The following TECTA variants were observed in gnomAD, a reference collection of about 807,000 sequenced individuals.
TECTA encodes the protein tectorin alpha.
Under a neutral mutation model 216.8 loss-of-function variants are expected in TECTA, and 128 were observed. The ratio of observed to expected loss-of-function variants is 0.59; its 90% confidence interval spans 0.51 to 0.68. TECTA has a LOEUF of 0.68. Ranked by LOEUF, TECTA falls within the 30% of genes least tolerant of loss-of-function variation. The pLI is 0.00. For missense variants in TECTA, 2,551 were observed against 2,786.2 expected (o/e 0.92, Z 1.90); for synonymous variants, 1,089 against 1,117.1 (o/e 0.97, Z 0.50).
intron 18 of TECTA, among the ~76,000 whole-genome samples, chr11:121,167,790 G>C (rs1947068974): frequency 6.6e-6 from 1 of 152,190 alleles, no homozygotes; most frequent in African/African-American, 2.4e-5. Context: ...AGTGGGGTCT[G>C]GTAGTGGTTA....
chr11:121,149,922 C>T (rs1946873949), intron 12 of TECTA, among the ~76,000 whole-genome samples: 1 of 152,166 alleles, frequency 6.6e-6, no homozygotes, highest in African/African-American at 2.4e-5. Context: ...GTCATGTTCT[C>T]AGCACTGTTT....
chr11:121,118,620 C>T lies in TECTA; in HGVS notation c.1105C>T (p.His369Tyr). ...CTTCAGTGTGGAGGCCAAGAATGAA[C>T]ACCGCAGAGGTTCAGCCGTCTCCTG... ...PFFSVEAKNE[H>Y]RRGSAVSWVK... Residue 369 changes from histidine to tyrosine, a missense_variant, in exon 7 of 24, where the codon CAC (histidine) becomes TAC (tyrosine). By Grantham distance (83) the His-to-Tyr change is moderately conservative. This residue lies in a region of TECTA where 2,375 missense variants were observed against 2,563.9 expected (regional missense o/e 0.93). Transcript: ENST00000392793. 1.2e-6 allele frequency: 2 copies of T among 1,614,140 alleles called. No homozygotes were observed. Among genetic ancestry groups the T allele is most frequent in the Admixed American group, 3.3e-5 (2 of 60,028 alleles).
chr11:121,122,181 T>G (rs1228792940), intron 7 of TECTA, among the ~76,000 whole-genome samples: 1 of 152,206 alleles, frequency 6.6e-6, no homozygotes, highest in African/African-American at 2.4e-5. Flanking sequence ...GTTGAAATTC[T>G]AACTCCTAAG....
intron 13 of TECTA, 69 bp from the exon 14 acceptor site, chr11:121,157,772 G>A (rs1371731361): frequency 2.5e-6 from 4 of 1,608,648 alleles, no homozygotes; most frequent in East Asian, 2.2e-5. Flanking sequence ...AAGACGAGGG[G>A]GACTGGGCTT....
rs776964946 is a variant in TECTA at position 121,145,968 on chromosome 11, C to G, written c.3957C>G (p.Asn1319Lys). The G allele has an allele frequency of 3.1e-5, 50 of 1,614,144 alleles. No individual in the cohort carries two copies. The highest frequency in any genetic ancestry group is 4.2e-5 in the Non-Finnish European group (49 of 1,180,056). The change falls in exon 12 of 24, where the codon AAC becomes AAG. Residue 1319 changes from asparagine to lysine, a missense_variant. Physicochemically the swap from Asn to Lys is moderately conservative, Grantham distance 94 (BLOSUM62 0). Around this residue, in one of 3 missense-constraint regions of TECTA, gnomAD observed 2,375 missense variants for 2,563.9 expected, o/e 0.93. Coordinates refer to ENST00000392793, the MANE Select transcript of TECTA (RefSeq NM_005422.4). The stretch of plus-strand genomic sequence containing the variant: ...TCTCCAAGTGTCACAGCAAAGTTAA[C>G]CCCACCTTCTTCTATAAGAACTGCC... The part of the protein sequence containing the change: ...AAFSKCHSKV[N>K]PTFFYKNCLF...
chr11:121,158,703 C>A (rs1156256684), intron 14 of TECTA, among the ~76,000 whole-genome samples: 1 of 152,090 alleles, frequency 6.6e-6, no homozygotes, highest in Non-Finnish European at 1.5e-5. Context: ...GACTCACACC[C>A]CCATTATCCG....
At position 121,125,544 on chromosome 11, in the gene TECTA, T is replaced by C. The variant is rs1331799197; in HGVS notation, c.1446T>C (p.Ser482=). 2 of 1,614,094 alleles carry C rather than the reference T, an allele frequency of 1.2e-6. No individual in the cohort carries two copies. The highest frequency in any genetic ancestry group is 2.7e-5 in the African/African-American group (2 of 74,950). Residue 482 remains serine, a synonymous_variant, in exon 8 of 24, where the codon TCT becomes TCC. Transcript: ENST00000392793. ...GCCCGGATGGCAGGCCGGCCATGTCTGTCCTGGATCTGGGAGAGAGCTGGC... is the reference window on the plus strand; with the variant it reads ...GCCCGGATGGCAGGCCGGCCATGTCCGTCCTGGATCTGGGAGAGAGCTGGC... The part of the protein sequence containing the change: ...FLRPDGRPAM[S]VLDLGESWRV...
At chr11:121,143,249 A>C (rs1329612418) in intron 11 of TECTA, among the ~76,000 whole-genome samples, 1 of 151,870 alleles carries the variant, frequency 6.6e-6, no homozygotes, top group African/African-American at 2.4e-5. Context: ...GTGCATTTTC[A>C]TCTCCCACCA....
intron 15 of TECTA, 80 bp from the exon 16 acceptor site, chr11:121,161,995 G>T: frequency 2.5e-6 from 4 of 1,590,380 alleles, no homozygotes; most frequent in Admixed American, 1.7e-5. Flanking sequence ...AGCTTCAGGG[G>T]TAGCAAAACA....
intron 6 of TECTA, among the ~76,000 whole-genome samples, chr11:121,116,958 T>C (rs1301417618): frequency 6.6e-6 from 1 of 152,234 alleles, no homozygotes; most frequent in African/African-American, 2.4e-5. Context: ...TTTTCAACCC[T>C]ATTCTCAACA....
intron 7 of TECTA, among the ~76,000 whole-genome samples, chr11:121,124,533 C>A (rs1443257266): frequency 2.6e-5 from 4 of 152,216 alleles, no homozygotes; most frequent in African/African-American, 9.7e-5. Context: ...ATGCTGGATT[C>A]AATGTTCATT....
chr11:121,179,927 GTT>G (rs1365604384), intron 20 of TECTA, among the ~76,000 whole-genome samples: 1 of 147,126 alleles, frequency 6.8e-6, no homozygotes, highest in African/African-American at 2.5e-5. Flanking sequence ...GGTGAAGTGA[GTT>G]TCTTGTAGGC....
chr11:121,168,061 G>A lies in TECTA; in HGVS notation c.5594G>A (p.Gly1865Asp). 5 of 1,614,080 alleles carry A rather than the reference G, an allele frequency of 3.1e-6. No individual in the cohort carries two copies. Among genetic ancestry groups the A allele is most frequent in the Non-Finnish European group, 4.2e-6 (5 of 1,179,990 alleles). Residue 1865 changes from glycine (G) to aspartate (D), a missense_variant, in exon 19 of 24, where the codon GGC (glycine) becomes GAC (aspartate). Physicochemically the swap from Gly to Asp is moderately conservative, Grantham distance 94. Coordinates refer to ENST00000392793, the MANE Select transcript of TECTA (RefSeq NM_005422.4). ...GNCGNIVQSNGTHIMYKNTLW... is the reference protein window; with the variant it reads ...GNCGNIVQSNDTHIMYKNTLW... ...CTTCCCCTTGTTCTGCAGTCCAATG[G>A]CACGCATATCATGTATAAAAACACA...
rs368109045 is a variant in TECTA at position 121,127,888 on chromosome 11, C to T, written c.1911C>T (p.Phe637=). The T allele has an allele frequency of 1.7e-5, 27 of 1,614,062 alleles. No homozygotes were observed. In the African/African-American group the frequency reaches 1.9e-4, roughly 11 times the overall value. The change falls in exon 9 of 24, where the codon TTC becomes TTT. Residue 637 remains phenylalanine, a synonymous_variant. Coordinates refer to ENST00000392793, the MANE Select transcript of TECTA (RefSeq NM_005422.4). This position sits in a 1 kb window ranked among gnomAD's most constrained non-coding sequence, Gnocchi z 5.0. ...CTEGCECNQG[F]VLSTSQCVPL... ...AGGGCTGCGAGTGCAACCAGGGCTT[C>T]GTCCTCAGCACCAGCCAGTGCGTCC...
chr11:121,158,002 G>GGCC lies in TECTA; in HGVS notation c.4469_4471dup (p.Ala1490dup), dbSNP rs767712878. 6.2e-7 allele frequency: 1 copy of GGCC among 1,612,910 alleles called. No homozygotes were observed. The highest frequency in any genetic ancestry group is 1.1e-5 in the South Asian group (1 of 91,068). The stretch of plus-strand genomic sequence containing the variant: ...GCACCAAGACCTCCTACTGCCTGGC[G>GGCC]GCCGGCGGCGGCGTCTTCCGCACCT... On this transcript the variant is annotated inframe_insertion, in exon 14 of 24. Coordinates refer to ENST00000392793, the MANE Select transcript of TECTA (RefSeq NM_005422.4).
chr11:121,138,855 G>A (rs1039007542), intron 11 of TECTA, among the ~76,000 whole-genome samples: 2 of 152,194 alleles, frequency 1.3e-5, no homozygotes, highest in Non-Finnish European at 2.9e-5. Flanking sequence ...AGCTGATTTA[G>A]GGTGCTTGCC....
In TECTA at chr11:121,189,835, A is replaced by G; in HGVS notation, c.6322A>G (p.Ser2108Gly). ...CTSRVDGPLC[S>G]CVTGTLQEDG... is the part of the protein sequence containing the mutation. ...GAGCCGGGTGGATGGGCCTCTCTGC[A>G]GCTGTGTAACAGGAACCCTGCAGGA... Residue 2108 changes from serine (S) to glycine (G), a missense_variant, in exon 23 of 24, where the codon AGC becomes GGC. Ser to Gly is a moderately conservative substitution (Grantham distance 56). Coordinates refer to ENST00000392793, the MANE Select transcript of TECTA (RefSeq NM_005422.4). The G allele has an allele frequency of 6.2e-7, 1 of 1,613,880 alleles. No homozygotes were observed. The highest frequency in any genetic ancestry group is 8.5e-7 in the Non-Finnish European group (1 of 1,180,000).
rs1946633006 is a variant in TECTA at position 121,128,113 on chromosome 11, G to A, written c.2136G>A (p.Val712=). The change falls in exon 9 of 24, where the codon GTG becomes GTA. Residue 712 remains valine (V), a synonymous_variant. Coordinates refer to ENST00000392793, the MANE Select transcript of TECTA (RefSeq NM_005422.4). ...GCTGCTTCCCCAAGCGGGAGACCGT[G>A]TGCCTGCTCAGCCAGAACCAGGTGC... is the stretch of plus-strand genomic sequence containing the variant. ...YQGCFPKRET[V]CLLSQNQVLH... The A allele has an allele frequency of 6.2e-7, 1 of 1,612,964 alleles. No homozygotes were observed. The highest frequency in any genetic ancestry group is 8.5e-7 in the Non-Finnish European group (1 of 1,179,990).
intron 20 of TECTA, among the ~76,000 whole-genome samples, chr11:121,182,494 C>T (rs1947239773): frequency 6.6e-6 from 1 of 152,152 alleles, no homozygotes; most frequent in South Asian, 2.1e-4. Flanking sequence ...CCATAAGCCT[C>T]CAGATGATGT....
Sources: gnomAD v4.1 joint callset for allele counts (sites outside exome capture counted in the v4.1 genomes callset) on GRCh38, gnomAD v4.1.1 for gene constraint, gnomAD v4.1.1 regional missense constraint, Gnocchi (gnomAD v3.1) non-coding constraint, MANE v1.5 for transcripts, NCBI Gene and HGNC (gene_info 2026-07-23, HGNC 2026-07-21) for gene names.